Variants in ATXN1 observed in about 807,000 individuals in gnomAD.
The protein encoded by ATXN1 is ataxin 1, also known as ataxin-1.
In ATXN1, 8 loss-of-function variants were observed where a neutral mutation model predicts 56.4. That is an observed-to-expected ratio of 0.14 (90% CI 0.08 to 0.26). The LOEUF (loss-of-function observed/expected upper bound fraction) is 0.26, where lower values mean the gene tolerates loss of function less well. Ranked by LOEUF, ATXN1 falls within the 10% of genes least tolerant of loss-of-function variation. The pLI, the probability that ATXN1 is intolerant of heterozygous loss-of-function variation, is 1.00. For missense variants in ATXN1, 987 were observed against 1,106.5 expected (o/e 0.89, Z 1.53); for synonymous variants, 514 against 494.6 (o/e 1.04, Z -0.52).
chr6:16,488,060 C>G (rs144444917), intron 5 of ATXN1, among the ~76,000 whole-genome samples: 1 of 152,162 alleles, frequency 6.6e-6, no homozygotes, highest in Non-Finnish European at 1.5e-5. Flanking sequence ...AGAGATGATT[C>G]ATCTTTCTGA....
chr6:16,346,889 C>T (rs1468466431), intron 6 of ATXN1, among the ~76,000 whole-genome samples: 2 of 152,202 alleles, frequency 1.3e-5, no homozygotes, highest in East Asian at 1.9e-4. Flanking sequence ...GAAGGAGAGG[C>T]GTGGGTGGGA....
At chr6:16,739,564 A>T (rs1040568188) in intron 2 of ATXN1, 1 of 290,022 alleles carries the variant, frequency 3.4e-6, no homozygotes, top group African/African-American at 2.2e-5. Flanking sequence ...CAAGAGCTCA[A>T]GAGGGAGTTG....
chr6:16,405,663 C>T (rs1758670901), intron 6 of ATXN1, among the ~76,000 whole-genome samples: 1 of 152,210 alleles, frequency 6.6e-6, no homozygotes, highest in African/African-American at 2.4e-5. Context: ...CATCCAAATT[C>T]CTGGTTGCTG....
chr6:16,574,630 G>C lies in ATXN1; in HGVS notation c.-361+11150C>G, dbSNP rs973775282. 7.2e-5 allele frequency among the ~76,000 whole-genome samples: 11 copies of C among 152,248 alleles called. No individual in the cohort carries two copies. The South Asian group carries it at 2.3e-3, about 32-fold the overall frequency. On this transcript the variant is annotated intron_variant, in intron 4 of 7. Transcript: ENST00000436367. Reference sequence around the variant, plus strand: ...TAAGTGTCAACTAGGTTTTTTTGAAGATAATTTTAGATTTACAGAAAGCGG... The same window carrying C: ...TAAGTGTCAACTAGGTTTTTTTGAACATAATTTTAGATTTACAGAAAGCGG...
intron 3 of ATXN1, among the ~76,000 whole-genome samples, chr6:16,592,083 G>A (rs1000693981): frequency 5.3e-5 from 8 of 151,980 alleles, no homozygotes; most frequent in African/African-American, 1.7e-4. Flanking sequence ...ATGGAAATCC[G>A]GAGTAAGACT....
intron 4 of ATXN1, among the ~76,000 whole-genome samples, chr6:16,543,805 G>A (rs971342199): frequency 6.6e-6 from 1 of 152,130 alleles, no homozygotes; most frequent in Non-Finnish European, 1.5e-5. Flanking sequence ...AGAAGCCAAT[G>A]ACTTCCCATA....
chr6:16,461,594 G>A (rs1453582020), intron 6 of ATXN1, among the ~76,000 whole-genome samples: 1 of 152,218 alleles, frequency 6.6e-6, no homozygotes, highest in Non-Finnish European at 1.5e-5. Context: ...GTTGGTCTGT[G>A]TTGACCAACC....
At chr6:16,751,817 T>TCC (rs1760728000) in intron 2 of ATXN1, among the ~76,000 whole-genome samples, 1 of 152,254 alleles carries the variant, frequency 6.6e-6, no homozygotes, top group Admixed American at 6.5e-5. Flanking sequence ...TGTTGAGGGA[T>TCC]AAGTTACTTG....
At chr6:16,751,012 A>T (rs1039981360) in intron 2 of ATXN1, among the ~76,000 whole-genome samples, 6 of 136,882 alleles carry the variant, frequency 4.4e-5, no homozygotes, top group Admixed American at 3.3e-4. Context: ...TCTGTCGCCC[A>T]GGCTGGAGTG....
chr6:16,307,748 T>A (rs76523673), intron 7 of ATXN1, among the ~76,000 whole-genome samples: 1 of 151,464 alleles, frequency 6.6e-6, no homozygotes, highest in Non-Finnish European at 1.5e-5. Context: ...GGACCAACCC[T>A]CCTTCTGAGG....
intron 2 of ATXN1, among the ~76,000 whole-genome samples, chr6:16,672,403 T>C (rs1275708681): frequency 6.6e-6 from 1 of 152,174 alleles, no homozygotes. Flanking sequence ...GTCAGCAAAA[T>C]GTGGCTCTAG....
chr6:16,533,014 T>C (rs533469518), intron 4 of ATXN1, among the ~76,000 whole-genome samples: 12 of 152,294 alleles, frequency 7.9e-5, no homozygotes, highest in African/African-American at 1.2e-4. Context: ...AGATACAAAA[T>C]GTGATACATA....
intron 7 of ATXN1, among the ~76,000 whole-genome samples, chr6:16,307,853 G>A (rs1334272213): frequency 6.6e-6 from 1 of 151,892 alleles, no homozygotes; most frequent in Non-Finnish European, 1.5e-5. Context: ...GTACTGGACA[G>A]CAAATAAGAT....
chr6:16,597,376 C>A (rs894125388), intron 3 of ATXN1, among the ~76,000 whole-genome samples: 13 of 152,178 alleles, frequency 8.5e-5, no homozygotes, highest in Non-Finnish European at 1.6e-4. Flanking sequence ...TGCTGCTTCA[C>A]ATGTTCGAAG....
At chr6:16,461,070 C>T (rs1297964363) in intron 6 of ATXN1, among the ~76,000 whole-genome samples, 3 of 152,146 alleles carry the variant, frequency 2.0e-5, no homozygotes, top group African/African-American at 4.8e-5. Context: ...CTGCTGAAGC[C>T]ATCAAAAAGG....
intron 3 of ATXN1, among the ~76,000 whole-genome samples, chr6:16,596,364 G>C (rs1474980194): frequency 1.3e-5 from 2 of 152,036 alleles, no homozygotes; most frequent in African/African-American, 4.8e-5. Flanking sequence ...TCTAAAATCG[G>C]GTGCTGGATG....
chr6:16,385,479 A>C (rs1758220977), intron 6 of ATXN1, among the ~76,000 whole-genome samples: 1 of 152,190 alleles, frequency 6.6e-6, no homozygotes, highest in South Asian at 2.1e-4. Context: ...CTCAGCACCA[A>C]GGCTGCTGAA....
intron 6 of ATXN1, among the ~76,000 whole-genome samples, chr6:16,330,452 T>C (rs1482269474): frequency 6.8e-6 from 1 of 147,108 alleles, no homozygotes; most frequent in Non-Finnish European, 1.5e-5. Context: ...TGCAGTGGCG[T>C]GATCTCGGCT....
At chr6:16,677,884 A>T (rs1192879293) in intron 2 of ATXN1, among the ~76,000 whole-genome samples, 1 of 152,180 alleles carries the variant, frequency 6.6e-6, no homozygotes, top group Non-Finnish European at 1.5e-5. Flanking sequence ...AGTGCACTTG[A>T]AATTGTTTAT....
Sources: allele counts gnomAD v4.1 joint callset (sites outside exome capture counted in the v4.1 genomes callset), GRCh38; gene constraint gnomAD v4.1.1; transcripts MANE v1.5; gene names NCBI Gene and HGNC (gene_info 2026-07-23, HGNC 2026-07-21).